The following CERT1 variants were observed in gnomAD, a reference collection of about 807,000 sequenced individuals.
CERT1 encodes ceramide transporter 1, also known as ceramide transfer protein.
A neutral mutation model predicts 87.9 loss-of-function variants in CERT1; 31 were observed. That is an observed-to-expected ratio of 0.35 (90% confidence interval 0.27 to 0.48). The LOEUF is 0.48. CERT1 is among the 20% of genes least tolerant of loss of function. The pLI, the probability that CERT1 is intolerant of heterozygous loss-of-function variation, is 0.99. For synonymous variants in CERT1, 289 were observed against 250.9 expected (o/e 1.15, Z -1.44); for missense variants, 487 against 758.0 (o/e 0.64, Z 4.20).
intron 12 of CERT1, among the ~76,000 whole-genome samples, chr5:75,388,545 ATC>A (rs1307075185): frequency 2.8e-5 from 4 of 143,336 alleles, no homozygotes; most frequent in African/African-American, 1.0e-4. Context: ...TCCACCACTC[ATC>A]TGTACTCTTC....
At chr5:75,443,181 ATT>A (rs1171863575) in intron 3 of CERT1, among the ~76,000 whole-genome samples, 1 of 151,770 alleles carries the variant, frequency 6.6e-6, no homozygotes, top group Non-Finnish European at 1.5e-5. Flanking sequence ...AGTTCCAATG[ATT>A]TTCTCTATTG....
At chr5:75,439,983 T>C (rs1370489826) in intron 3 of CERT1, among the ~76,000 whole-genome samples, 3 of 152,020 alleles carry the variant, frequency 2.0e-5, no homozygotes, top group African/African-American at 7.2e-5. Flanking sequence ...AAATGTGCTT[T>C]TGAATCACTG....
chr5:75,453,045 TATA>T (rs1457727260), intron 3 of CERT1, among the ~76,000 whole-genome samples: 4 of 152,224 alleles, frequency 2.6e-5, no homozygotes, highest in Admixed American at 6.5e-5. Flanking sequence ...GGGGCTGCTG[TATA>T]ATGTCACATT....
At chr5:75,458,388 T>C (rs139959322) in intron 3 of CERT1, among the ~76,000 whole-genome samples, 30 of 152,272 alleles carry the variant, frequency 2.0e-4, no homozygotes, top group African/African-American at 6.3e-4. Context: ...AAAATCAACA[T>C]TGAAACTTTT....
downstream of CERT1, chr5:75,377,132 C>A (rs1403089980): frequency 6.6e-6 from 1 of 152,226 alleles, no homozygotes; most frequent in African/African-American, 2.4e-5. Context: ...AAAAGATTCT[C>A]AATGGACTAA....
intron 2 of CERT1, among the ~76,000 whole-genome samples, chr5:75,468,337 C>T (rs1765557266): frequency 6.6e-6 from 1 of 152,190 alleles, no homozygotes; most frequent in Admixed American, 6.5e-5. Context: ...GTCAACCCTC[C>T]CACAATCCTA....
intron 3 of CERT1, among the ~76,000 whole-genome samples, chr5:75,434,193 T>G (rs950450708): frequency 1.3e-4 from 20 of 151,584 alleles, no homozygotes; most frequent in African/African-American, 4.1e-4. Context: ...GAGGTTTTTT[T>G]TTTTTTTTTT....
chr5:75,477,459 G>A (rs1032872561), intron 2 of CERT1, among the ~76,000 whole-genome samples: 1 of 151,624 alleles, frequency 6.6e-6, no homozygotes, highest in Non-Finnish European at 1.5e-5. Flanking sequence ...GCTCATGAAA[G>A]ACATGAACTA....
At chr5:75,504,200 C>A (rs1327155497) in intron 2 of CERT1, among the ~76,000 whole-genome samples, 1 of 151,974 alleles carries the variant, frequency 6.6e-6, no homozygotes, top group African/African-American at 2.4e-5. Context: ...ACATTTCAAT[C>A]CACTATTCTG....
At position 75,463,494 on chromosome 5, in the gene CERT1, G is replaced by T. The variant is rs1056738304; in HGVS notation, c.232-4313C>A. On this transcript the variant is annotated intron_variant, in intron 2 of 16. Coordinates refer to ENST00000643780, the MANE Select transcript of CERT1 (RefSeq NM_001379029.1). ...TGTTAAGGACAAAAAAATTTCAAAA[G>T]GTGAATAAATCCATGGCACTTATAC... 3.9e-5 allele frequency among the ~76,000 whole-genome samples: 6 copies of T among 152,080 alleles called. No homozygotes were observed. The South Asian group carries it at 1.2e-3, about 32-fold the overall frequency.
intron 1 of CERT1, among the ~76,000 whole-genome samples, chr5:75,506,743 C>T (rs1323360542): frequency 6.6e-6 from 1 of 152,176 alleles, no homozygotes; most frequent in East Asian, 1.9e-4. Flanking sequence ...AATACATTTT[C>T]CAAGTTCCTC....
chr5:75,384,774 T>G, intron 13 of CERT1, 62 bp from the exon 14 acceptor site: 1 of 1,116,512 alleles, frequency 9.0e-7, no homozygotes, highest in Non-Finnish European at 1.3e-6. Flanking sequence ...TCAATTCACT[T>G]ATGTTGAAAG....
At chr5:75,407,669 A>C (rs1406781617) in intron 8 of CERT1, among the ~76,000 whole-genome samples, 1 of 152,132 alleles carries the variant, frequency 6.6e-6, no homozygotes, top group East Asian at 1.9e-4. Context: ...GCTGGAGGCC[A>C]TTATCCAAAG....
In CERT1 at chr5:75,413,612, C is replaced by T. The variant is rs531280940; in HGVS notation, c.838-2509G>A. 2.6e-5 allele frequency among the ~76,000 whole-genome samples: 4 copies of T among 152,036 alleles called. No homozygotes were observed. In the South Asian group the frequency reaches 8.3e-4, roughly 32 times the overall value. On this transcript the variant is annotated intron_variant, in intron 7 of 16. Transcript: ENST00000643780. ...CTTCAGCCTGGACAACACAGTGAGA[C>T]CCTGTCTCTCAAAAAAAGAAAGACT...
rs1009737397 is a variant in CERT1 at position 75,394,156 on chromosome 5, T to C, written c.1189-4469A>G. ...ATAATATTCAGTGCTACTATATCAA[T>C]AGAAAACTGGCCTGGGAATGTAAGC... On this transcript the variant is annotated intron_variant, in intron 11 of 16. Transcript: ENST00000643780. Among the ~76,000 whole-genome samples, 4 of 152,198 alleles carry C rather than the reference T, an allele frequency of 2.6e-5. No individual in the cohort carries two copies. The South Asian group carries it at 8.3e-4, about 31-fold the overall frequency.
At chr5:75,415,460 C>A (rs928265582) in intron 7 of CERT1, among the ~76,000 whole-genome samples, 2 of 152,118 alleles carry the variant, frequency 1.3e-5, no homozygotes, top group African/African-American at 2.4e-5. Context: ...AGAAAGAGAA[C>A]TGGTAAGATT....
chr5:75,491,778 A>T (rs1017961251), intron 2 of CERT1, among the ~76,000 whole-genome samples: 15 of 152,296 alleles, frequency 9.8e-5, no homozygotes, highest in African/African-American at 3.4e-4. Context: ...ATGTGAAGTT[A>T]TTTTGTATCT....
chr5:75,409,070 T>C (rs1202225010), intron 8 of CERT1, among the ~76,000 whole-genome samples: 1 of 152,124 alleles, frequency 6.6e-6, no homozygotes, highest in African/African-American at 2.4e-5. Context: ...ATTTGAATTT[T>C]TGTACAATCT....
intron 5 of CERT1, among the ~76,000 whole-genome samples, chr5:75,422,395 T>C (rs969674148): frequency 1.3e-5 from 2 of 152,088 alleles, no homozygotes; most frequent in Admixed American, 1.3e-4. Flanking sequence ...GCAAGCAGAC[T>C]GCTTGAGCTC....
Sources: gnomAD v4.1 joint callset for allele counts (sites outside exome capture counted in the v4.1 genomes callset) on GRCh38, gnomAD v4.1.1 for gene constraint, MANE v1.5 for transcripts, NCBI Gene and HGNC (gene_info 2026-07-23, HGNC 2026-07-21) for gene names.